The following KIAA1217 variants were observed in gnomAD, a reference collection of about 807,000 sequenced individuals.
KIAA1217 encodes the protein KIAA1217.
In KIAA1217, 88 loss-of-function variants were observed where a neutral mutation model predicts 163.9. The observed-to-expected ratio is 0.54, with a 90% CI of 0.45 to 0.64. The LOEUF (loss-of-function observed/expected upper bound fraction) is 0.64, where lower values mean the gene tolerates loss of function less well. Among genes scored for constraint, KIAA1217 ranks in the 30% least tolerant of loss-of-function variants. The pLI is 0.00. For missense variants in KIAA1217, 2,372 were observed against 2,475.0 expected (o/e 0.96, Z 0.88); for synonymous variants, 903 against 923.1 (o/e 0.98, Z 0.39).
intron 1 of KIAA1217, among the ~76,000 whole-genome samples, chr10:23,750,555 C>G (rs1375092580): frequency 6.6e-6 from 1 of 152,280 alleles, no homozygotes; most frequent in East Asian, 1.9e-4. Flanking sequence ...TCTTTCACTG[C>G]ATTATTATTG....
intron 1 of KIAA1217, among the ~76,000 whole-genome samples, chr10:23,742,848 T>C (rs538236270): frequency 1.8e-4 from 27 of 152,300 alleles, no homozygotes; most frequent in African/African-American, 6.0e-4. Flanking sequence ...GAAATTCCCA[T>C]TGGGTGGGCC....
At chr10:24,173,573 A>C (rs548760092) in intron 2 of KIAA1217, among the ~76,000 whole-genome samples, 3 of 152,252 alleles carry the variant, frequency 2.0e-5, no homozygotes, top group Admixed American at 6.5e-5. Flanking sequence ...ATAGTTACAG[A>C]ATCTAAGACT....
At chr10:23,752,397 C>T (rs1437083242) in intron 1 of KIAA1217, among the ~76,000 whole-genome samples, 1 of 152,108 alleles carries the variant, frequency 6.6e-6, no homozygotes, top group Non-Finnish European at 1.5e-5. Flanking sequence ...TATTTGTGAG[C>T]TCCAAGAGTA....
At chr10:23,978,993 C>T (rs1023330321) in intron 1 of KIAA1217, among the ~76,000 whole-genome samples, 2 of 152,080 alleles carry the variant, frequency 1.3e-5, no homozygotes, top group African/African-American at 4.8e-5. Context: ...GCAAAGTAAG[C>T]TGGGCACATG....
At chr10:24,258,317 C>G (rs1357888564) in intron 2 of KIAA1217, among the ~76,000 whole-genome samples, 1 of 152,194 alleles carries the variant, frequency 6.6e-6, no homozygotes, top group Non-Finnish European at 1.5e-5. Flanking sequence ...TAGATACACA[C>G]AGACCCACAG....
chr10:24,076,730 G>T (rs1204558528), intron 2 of KIAA1217, among the ~76,000 whole-genome samples: 1 of 152,036 alleles, frequency 6.6e-6, no homozygotes, highest in African/African-American at 2.4e-5. Context: ...AAAAATAAAA[G>T]GCTGTTCTCT....
intron 2 of KIAA1217, among the ~76,000 whole-genome samples, chr10:24,164,440 G>A (rs187125535): frequency 7.2e-4 from 109 of 152,224 alleles, no homozygotes; most frequent in Non-Finnish European, 1.3e-3. Flanking sequence ...TCAAGAGTTC[G>A]CCTCCAATAG....
At chr10:24,466,335 A>G (rs1443141994) in intron 5 of KIAA1217, among the ~76,000 whole-genome samples, 1 of 151,826 alleles carries the variant, frequency 6.6e-6, no homozygotes, top group African/African-American at 2.4e-5. Context: ...TATATTTTGT[A>G]ATATTTCCTT....
chr10:23,874,716 G>A (rs1168006615), intron 1 of KIAA1217, among the ~76,000 whole-genome samples: 1 of 151,858 alleles, frequency 6.6e-6, no homozygotes, highest in African/African-American at 2.4e-5. Context: ...TGATTCTAAT[G>A]TTCAGCCAGA....
chr10:23,961,407 T>C (rs532156844), intron 1 of KIAA1217, among the ~76,000 whole-genome samples: 1 of 152,272 alleles, frequency 6.6e-6, no homozygotes, highest in South Asian at 2.1e-4. Flanking sequence ...AGCAGAGACC[T>C]AAAAACATTT....
intron 1 of KIAA1217, among the ~76,000 whole-genome samples, chr10:23,699,419 A>G (rs1449776335): frequency 2.6e-5 from 4 of 152,186 alleles, no homozygotes; most frequent in Non-Finnish European, 5.9e-5. Context: ...TGACACAGCC[A>G]TGGTCAGGAT....
chr10:24,328,205 A>C (rs1482601637), intron 2 of KIAA1217, among the ~76,000 whole-genome samples: 1 of 152,156 alleles, frequency 6.6e-6, no homozygotes, highest in Non-Finnish European at 1.5e-5. Context: ...TCTCAAATTC[A>C]TCTCCCTGTC....
intron 5 of KIAA1217, among the ~76,000 whole-genome samples, chr10:24,455,901 T>C (rs761923976): frequency 3.3e-5 from 5 of 152,240 alleles, no homozygotes; most frequent in Admixed American, 6.5e-5. Flanking sequence ...TTTTTGTTTT[T>C]TTCTGAGACA....
chr10:23,984,044 G>A (rs908393334), intron 1 of KIAA1217, among the ~76,000 whole-genome samples: 3 of 152,206 alleles, frequency 2.0e-5, no homozygotes, highest in African/African-American at 7.2e-5. Context: ...GCAGTCACTA[G>A]TCCACTGCAG....
chr10:24,074,220 A>G (rs1172222853), intron 2 of KIAA1217, among the ~76,000 whole-genome samples: 2 of 152,078 alleles, frequency 1.3e-5, no homozygotes, highest in Non-Finnish European at 2.9e-5. Flanking sequence ...GTTGTGGCAC[A>G]TGCCTGTAAT....
chr10:24,399,399 A>G lies in KIAA1217; in HGVS notation c.553+18332A>G, dbSNP rs58234782. Among the ~76,000 whole-genome samples the G allele has an allele frequency of 8.8e-3, 1,339 of 152,326 alleles. 37 individuals are homozygous for G. Among genetic ancestry groups the G allele is most frequent in the East Asian group, 0.081 (421 of 5,188 alleles). ...CAAACCTCATCTCTTTCCCAATTCA[A>G]AAAAATGCTCTATCATTGTCCTTTC... On this transcript the variant is annotated intron_variant, in intron 3 of 20. Transcript: ENST00000376454.
intron 1 of KIAA1217, among the ~76,000 whole-genome samples, chr10:23,813,200 A>G (rs550621784): frequency 2.0e-5 from 3 of 152,118 alleles, no homozygotes; most frequent in Non-Finnish European, 4.4e-5. Context: ...CATGTTGAAC[A>G]TCTTGAGCCT....
At chr10:23,730,853 C>T (rs1466094705) in intron 1 of KIAA1217, among the ~76,000 whole-genome samples, 5 of 152,136 alleles carry the variant, frequency 3.3e-5, no homozygotes, top group Admixed American at 2.0e-4. Flanking sequence ...TATTCTGAAA[C>T]CTTGCTATAA....
chr10:24,241,882 C>T (rs2073151745), intron 2 of KIAA1217, among the ~76,000 whole-genome samples: 2 of 152,198 alleles, frequency 1.3e-5, no homozygotes, highest in South Asian at 4.1e-4. Flanking sequence ...AGGTTCCACA[C>T]TCCTGGGAGA....
Sources: gnomAD v4.1 joint callset for allele counts (sites outside exome capture counted in the v4.1 genomes callset) on GRCh38, gnomAD v4.1.1 for gene constraint, MANE v1.5 for transcripts, NCBI Gene and HGNC (gene_info 2026-07-23, HGNC 2026-07-21) for gene names.